Variants in PTPRD observed in about 807,000 individuals in gnomAD.
The protein encoded by PTPRD is receptor-type tyrosine-protein phosphatase delta.
PTPRD carries 34 observed loss-of-function variants against 214.5 expected under a neutral mutation model. The observed-to-expected ratio is 0.16, with a 90% CI of 0.12 to 0.21. PTPRD has a LOEUF of 0.21. PTPRD is among the 10% of genes least tolerant of loss of function. The pLI is 1.00. For missense variants in PTPRD, 2,545 were observed against 2,398.7 expected, an observed-to-expected ratio of 1.06 and a Z score of -1.27; for synonymous variants, 1,128 against 845.7, an observed-to-expected ratio of 1.33 and a Z score of -5.79.
intron 2 of PTPRD, among the ~76,000 whole-genome samples, chr9:10,523,650 G>C (rs569869845): frequency 7.9e-6 from 1 of 126,832 alleles, no homozygotes; most frequent in Admixed American, 8.2e-5. Context: ...GAGAGAGAGA[G>C]AGAGAGAAAT....
intron 9 of PTPRD, among the ~76,000 whole-genome samples, chr9:9,227,827 T>C (rs985456425): frequency 7.2e-5 from 11 of 152,044 alleles, no homozygotes; most frequent in Admixed American, 3.3e-4. Context: ...TCCAACCCTT[T>C]AGATGACTGT....
intron 11 of PTPRD, among the ~76,000 whole-genome samples, chr9:8,912,564 T>C (rs75858912): frequency 0.019 from 2,884 of 152,188 alleles, 98 homozygotes; most frequent in African/African-American, 0.065. Context: ...CAAAGCCTGA[T>C]TGTGGTAATA....
At chr9:10,275,635 C>A (rs2094637790) in intron 3 of PTPRD, among the ~76,000 whole-genome samples, 1 of 152,142 alleles carries the variant, frequency 6.6e-6, no homozygotes, top group Non-Finnish European at 1.5e-5. Context: ...GGCCAGTATC[C>A]ATTCCCTCTC....
intron 4 of PTPRD, among the ~76,000 whole-genome samples, chr9:10,024,900 G>A (rs959535331): frequency 3.3e-5 from 5 of 150,980 alleles, no homozygotes; most frequent in South Asian, 4.2e-4. Context: ...CTGTCCGTGC[G>A]ATAGTTTGCT....
intron 9 of PTPRD, among the ~76,000 whole-genome samples, chr9:9,273,529 T>C (rs997957524): frequency 5.3e-5 from 8 of 151,382 alleles, no homozygotes; most frequent in African/African-American, 1.9e-4. Flanking sequence ...TGGGTTTATT[T>C]ACTATTCTAA....
intron 2 of PTPRD, among the ~76,000 whole-genome samples, chr9:10,399,934 T>C (rs549930960): frequency 9.2e-5 from 14 of 151,986 alleles, no homozygotes; most frequent in African/African-American, 1.9e-4. Context: ...AAAGATGTTA[T>C]ATTTATGCTG....
intron 14 of PTPRD, among the ~76,000 whole-genome samples, chr9:8,576,079 T>C (rs2092316087): frequency 6.6e-6 from 1 of 152,230 alleles, no homozygotes; most frequent in Non-Finnish European, 1.5e-5. Context: ...GCAAATAATG[T>C]TTGCACAAAC....
intron 14 of PTPRD, among the ~76,000 whole-genome samples, chr9:8,536,203 A>G (rs2076896118): frequency 1.3e-5 from 2 of 152,070 alleles, no homozygotes; most frequent in South Asian, 4.1e-4. Flanking sequence ...GCAAATTGCT[A>G]TTCTTCAAAT....
rs142768635 is a variant in PTPRD at position 8,737,882 on chromosome 9, C to A, written c.-103-3936G>T. Among the ~76,000 whole-genome samples the A allele has an allele frequency of 3.0e-3, 464 of 152,256 alleles. 3 individuals carry two copies. The highest frequency in any genetic ancestry group is 0.01 in the African/African-American group (421 of 41,542). ...GTCAGGCTGATCTTGAACTCCTGACCTTGTGATCCGCTCGCCTCGGCCTCC... is the reference window on the plus strand; with the variant it reads ...GTCAGGCTGATCTTGAACTCCTGACATTGTGATCCGCTCGCCTCGGCCTCC... On this transcript the variant is annotated intron_variant, in intron 11 of 45. Coordinates refer to ENST00000381196, the MANE Select transcript of PTPRD (RefSeq NM_002839.4).
chr9:8,840,822 G>C (rs1489598891), intron 11 of PTPRD, among the ~76,000 whole-genome samples: 1 of 152,096 alleles, frequency 6.6e-6, no homozygotes, highest in Non-Finnish European at 1.5e-5. Flanking sequence ...GACTTAGCAA[G>C]GTTTTGGCAC....
intron 9 of PTPRD, among the ~76,000 whole-genome samples, chr9:9,223,006 C>T (rs1010023923): frequency 6.6e-6 from 1 of 151,942 alleles, no homozygotes; most frequent in African/African-American, 2.4e-5. Context: ...CTTTTTCTTA[C>T]TGTAACTATA....
intron 8 of PTPRD, among the ~76,000 whole-genome samples, chr9:9,508,987 T>C (rs1008183320): frequency 6.6e-6 from 1 of 151,588 alleles, no homozygotes; most frequent in Non-Finnish European, 1.5e-5. Flanking sequence ...ACCGTTCCAA[T>C]TGTCCAACTG....
chr9:8,326,433 G>T (rs1833844270), intron 44 of PTPRD, among the ~76,000 whole-genome samples: 3 of 151,890 alleles, frequency 2.0e-5, no homozygotes, highest in African/African-American at 7.2e-5. Context: ...CTTGATCGTG[G>T]TGGATAAGCT....
intron 7 of PTPRD, among the ~76,000 whole-genome samples, chr9:9,684,629 C>T (rs930916450): frequency 6.6e-6 from 1 of 151,406 alleles, no homozygotes; most frequent in Admixed American, 6.6e-5. Context: ...ACATAAAAGG[C>T]CTTTTTTGTT....
At chr9:9,012,417 A>C (rs1398542054) in intron 11 of PTPRD, among the ~76,000 whole-genome samples, 1 of 152,212 alleles carries the variant, frequency 6.6e-6, no homozygotes, top group African/African-American at 2.4e-5. Context: ...GTTAATAAAC[A>C]TTGACTGAGT....
At chr9:10,459,782 T>G (rs1166805128) in intron 2 of PTPRD, among the ~76,000 whole-genome samples, 1 of 152,184 alleles carries the variant, frequency 6.6e-6, no homozygotes, top group Admixed American at 6.5e-5. Flanking sequence ...TTAAGTTCCT[T>G]GTGGATTCTG....
chr9:8,875,940 T>C (rs750695999), intron 11 of PTPRD, among the ~76,000 whole-genome samples: 1 of 152,160 alleles, frequency 6.6e-6, no homozygotes, highest in Admixed American at 6.6e-5. Context: ...ACAAACATTC[T>C]TTATGATGCC....
At chr9:8,666,140 C>T (rs1356267034) in intron 12 of PTPRD, among the ~76,000 whole-genome samples, 5 of 151,136 alleles carry the variant, frequency 3.3e-5, no homozygotes, top group Admixed American at 3.3e-4. Context: ...TATTTTTATA[C>T]TAAAGGCCCA....
chr9:9,091,993 T>C (rs1243553762), intron 10 of PTPRD, among the ~76,000 whole-genome samples: 1 of 152,190 alleles, frequency 6.6e-6, no homozygotes, highest in Non-Finnish European at 1.5e-5. Context: ...CATTTTCTTT[T>C]CTCTCAGTTT....
Sources: gnomAD v4.1 joint callset for allele counts (sites outside exome capture counted in the v4.1 genomes callset) on GRCh38, gnomAD v4.1.1 for gene constraint, MANE v1.5 for transcripts, NCBI Gene and HGNC (gene_info 2026-07-23, HGNC 2026-07-21) for gene names.